NAV2: variants seen among roughly 807,000 people sequenced by gnomAD.
NAV2 encodes helicase, APC down-regulated 1.
In NAV2, 54 loss-of-function variants were observed where a neutral mutation model predicts 223.2. That is an observed-to-expected ratio of 0.24 (90% confidence interval 0.19 to 0.30). The LOEUF (loss-of-function observed/expected upper bound fraction) is 0.30, where lower values mean the gene tolerates loss of function less well. NAV2 is among the 10% of genes least tolerant of loss of function. The probability of loss-of-function intolerance (pLI) is 1.00; values close to 1 mark genes in which losing one functional copy is unlikely to be tolerated. For synonymous variants in NAV2, 1,279 were observed against 1,239.3 expected, an observed-to-expected ratio of 1.03 and a Z score of -0.67; for missense variants, 2,806 against 3,147.5, an observed-to-expected ratio of 0.89 and a Z score of 2.60.
chr11:19,759,358 C>T (rs1038419082), intron 1 of NAV2, among the ~76,000 whole-genome samples: 1 of 152,144 alleles, frequency 6.6e-6, no homozygotes, highest in Non-Finnish European at 1.5e-5. Flanking sequence ...GCTGGGATTA[C>T]AGGCGTGAGC....
At chr11:19,523,968 T>C (rs533410695) in intron 1 of NAV2, among the ~76,000 whole-genome samples, 40 of 152,332 alleles carry the variant, frequency 2.6e-4, no homozygotes, top group African/African-American at 9.4e-4. Context: ...TTAGCCCAGG[T>C]GTTTTCTCCT....
intron 10 of NAV2, among the ~76,000 whole-genome samples, chr11:19,959,034 C>T (rs887775164): frequency 2.0e-5 from 3 of 152,122 alleles, no homozygotes; most frequent in Admixed American, 1.3e-4. Flanking sequence ...ACAAAGGAGA[C>T]AGAGAAGATA....
chr11:19,734,185 G>C lies in NAV2; in HGVS notation c.267+20223G>C, dbSNP rs576276618. On this transcript the variant is annotated intron_variant, in intron 1 of 37. Coordinates refer to ENST00000349880, the MANE Select transcript of NAV2 (RefSeq NM_145117.5). ...TACAATGAATTCAAGGTAACCTATT[G>C]ATCTTTTATAGGAGCCAACTTCCTG... 2.6e-5 allele frequency among the ~76,000 whole-genome samples: 4 copies of C among 152,306 alleles called. No homozygotes were observed. The South Asian group carries it at 6.2e-4, about 24-fold the overall frequency.
chr11:19,566,809 G>A (rs865991616), intron 1 of NAV2, among the ~76,000 whole-genome samples: 2 of 152,148 alleles, frequency 1.3e-5, no homozygotes, highest in African/African-American at 2.4e-5. Context: ...GGTCTAGAGG[G>A]GCATGATAAC....
chr11:19,484,159 C>CACACA (rs1554945488), intron 1 of NAV2, among the ~76,000 whole-genome samples: 1 of 147,830 alleles, frequency 6.8e-6, no homozygotes, highest in Non-Finnish European at 1.5e-5. Context: ...CACACACACA[C>CACACA]CCCAAGTCTC....
At chr11:19,690,940 T>G (rs10741792) in intron 1 of NAV2, among the ~76,000 whole-genome samples, 131,262 of 152,230 alleles carry the variant, frequency 0.86, 57,112 homozygotes, top group Middle Eastern at 0.96. Context: ...TTCAAAGTCT[T>G]TTCTGCCACA....
intron 1 of NAV2, among the ~76,000 whole-genome samples, chr11:19,817,516 A>G (rs2059150804): frequency 6.6e-6 from 1 of 152,050 alleles, no homozygotes; most frequent in Non-Finnish European, 1.5e-5. Flanking sequence ...GGCTTTTGGG[A>G]CGCCTCAGTG....
intron 1 of NAV2, among the ~76,000 whole-genome samples, chr11:19,415,466 A>T (rs1850327462): frequency 6.6e-6 from 1 of 152,158 alleles, no homozygotes; most frequent in Non-Finnish European, 1.5e-5. Context: ...CCTACCAACT[A>T]AAAAAAGCCC....
chr11:19,385,753 CTTTTTTTTTT>C (rs201669772), intron 1 of NAV2, among the ~76,000 whole-genome samples: 11 of 112,770 alleles, frequency 9.8e-5, no homozygotes, highest in East Asian at 5.8e-4. Flanking sequence ...AATATAGCTC[CTTTTTTTTTT>C]TTTTTTTTTT....
chr11:19,662,913 G>A (rs1161955178), intron 1 of NAV2, among the ~76,000 whole-genome samples: 1 of 152,208 alleles, frequency 6.6e-6, no homozygotes, highest in Non-Finnish European at 1.5e-5. Context: ...ACTCACAGAG[G>A]ACCACTTACA....
At chr11:20,085,008 G>A (rs2060332933) in intron 26 of NAV2, among the ~76,000 whole-genome samples, 1 of 151,968 alleles carries the variant, frequency 6.6e-6, no homozygotes, top group Admixed American at 6.6e-5. Flanking sequence ...GGTCAATATA[G>A]TGAGACTCTG....
At chr11:19,407,392 C>T (rs1451118011) in intron 1 of NAV2, among the ~76,000 whole-genome samples, 1 of 152,134 alleles carries the variant, frequency 6.6e-6, no homozygotes, top group African/African-American at 2.4e-5. Flanking sequence ...CCGATCTCAG[C>T]TGAGACACAA....
intron 8 of NAV2, among the ~76,000 whole-genome samples, chr11:19,943,727 T>C (rs2046597074): frequency 6.6e-6 from 1 of 152,172 alleles, no homozygotes; most frequent in Admixed American, 6.5e-5. Context: ...TAGATGGAGA[T>C]TTCTTTGAAA....
Position 20,105,579 on chromosome 11 carries a change from C to G in NAV2, c.6693C>G (p.Gly2231=), listed in dbSNP as rs137895890. 10 of 1,613,876 alleles carry G rather than the reference C, an allele frequency of 6.2e-6. No homozygotes were observed. In the African/African-American group the frequency reaches 1.3e-4, roughly 22 times the overall value. The change falls in exon 35 of 38, where the codon GGC becomes GGG. Residue 2231 remains glycine, a synonymous_variant. Coordinates refer to ENST00000349880, the MANE Select transcript of NAV2 (RefSeq NM_145117.5). ...NHTEPVKGFL[G]RFLRRKLMET... ...CGGAGCCTGTGAAGGGTTTCCTTGG[C>G]CGATTCCTGAGGAGGAAGCTCATGG...
chr11:20,078,168 A>C, intron 24 of NAV2, 64 bp downstream of exon 24: 3 of 1,121,044 alleles, frequency 2.7e-6, no homozygotes, highest in Non-Finnish European at 4.0e-6. Context: ...CTCCCCTGAC[A>C]TCATATGATG....
chr11:19,848,442 C>T (rs948976718), intron 3 of NAV2, among the ~76,000 whole-genome samples: 1 of 152,194 alleles, frequency 6.6e-6, no homozygotes, highest in East Asian at 1.9e-4. Flanking sequence ...GGCTCCAGCC[C>T]TCCTTTCTCT....
chr11:19,933,252 C>T lies in NAV2; in HGVS notation c.1008C>T (p.Ser336=), dbSNP rs1300005897. The change falls in exon 7 of 38, where the codon AGC becomes AGT. Residue 336 remains serine, a synonymous_variant. Coordinates refer to ENST00000349880, the MANE Select transcript of NAV2 (RefSeq NM_145117.5). The surrounding 1 kb of genome is among the most constrained non-coding windows in gnomAD (Gnocchi z 4.3). ...NAPASLESGS[S]STPTNCSTSS... is the part of the protein sequence containing the mutation. ...CTGCTTCCTTGGAGAGCGGCAGCAG[C>T]TCCACCCCTACTAATTGCAGTACCT... 3 of 1,609,416 alleles carry T rather than the reference C, an allele frequency of 1.9e-6. No individual in the cohort carries two copies. Among genetic ancestry groups the T allele is most frequent in the Non-Finnish European group, 2.5e-6 (3 of 1,177,760 alleles).
chr11:19,692,902 T>C (rs567181864), intron 1 of NAV2, among the ~76,000 whole-genome samples: 106 of 152,334 alleles, frequency 7.0e-4, no homozygotes, highest in African/African-American at 2.3e-3. Context: ...GTAGGTGTTC[T>C]GTGTGCTGTT....
chr11:19,722,378 A>C (rs2050815430), intron 1 of NAV2, among the ~76,000 whole-genome samples: 1 of 152,238 alleles, frequency 6.6e-6, no homozygotes, highest in Non-Finnish European at 1.5e-5. Flanking sequence ...TGAGAAGGTA[A>C]GGAGTATGAT....
Sources: allele counts gnomAD v4.1 joint callset (sites outside exome capture counted in the v4.1 genomes callset), GRCh38; gene constraint gnomAD v4.1.1; non-coding constraint Gnocchi (gnomAD v3.1); transcripts MANE v1.5; gene names NCBI Gene and HGNC (gene_info 2026-07-23, HGNC 2026-07-21).